The following GULP1 variants were observed in gnomAD, a reference collection of about 807,000 sequenced individuals.
GULP1 encodes GULP PTB domain containing engulfment adaptor 1.
GULP1 carries 19 observed loss-of-function variants against 40.9 expected under a neutral mutation model. That is an observed-to-expected ratio of 0.46 (90% CI 0.32 to 0.68). The LOEUF (loss-of-function observed/expected upper bound fraction) is 0.68, where lower values mean the gene tolerates loss of function less well. Among genes scored for constraint, GULP1 ranks in the 30% least tolerant of loss-of-function variants. GULP1 has a pLI of 0.03. For missense variants in GULP1, 312 were observed against 362.2 expected, an observed-to-expected ratio of 0.86 and a Z score of 1.12; for synonymous variants, 119 against 117.6, an observed-to-expected ratio of 1.01 and a Z score of -0.08.
intron 1 of GULP1, among the ~76,000 whole-genome samples, chr2:188,315,416 T>C (rs1038699340): frequency 6.6e-6 from 1 of 152,196 alleles, no homozygotes; most frequent in Non-Finnish European, 1.5e-5. Flanking sequence ...GGTCTTCAGA[T>C]GTATCCCCTG....
At chr2:188,375,577 T>C (rs1448299131) in intron 1 of GULP1, among the ~76,000 whole-genome samples, 1 of 152,226 alleles carries the variant, frequency 6.6e-6, no homozygotes, top group Non-Finnish European at 1.5e-5. Flanking sequence ...GAAGACTTGC[T>C]CTCTTTTCAT....
chr2:188,480,456 G>A (rs1186400576), intron 3 of GULP1, among the ~76,000 whole-genome samples: 9 of 147,558 alleles, frequency 6.1e-5, no homozygotes, highest in Non-Finnish European at 1.1e-4. Flanking sequence ...ACATAATTGT[G>A]TTTTTTTTTT....
rs1702383264 is a variant in GULP1 at position 188,586,422 on chromosome 2, T to C, written c.749-1433T>C. 3.9e-5 allele frequency among the ~76,000 whole-genome samples: 6 copies of C among 152,204 alleles called. No individual in the cohort carries two copies. In the South Asian group the frequency reaches 1.2e-3, roughly 31 times the overall value. Reference sequence around the variant, plus strand: ...ACTAGGTGAAAAACATTATTCAGTATGCTTATGGTGTAGTGGAAACCAGGA... The same window carrying C: ...ACTAGGTGAAAAACATTATTCAGTACGCTTATGGTGTAGTGGAAACCAGGA... On this transcript the variant is annotated intron_variant, in intron 10 of 11. Transcript: ENST00000409830.
At chr2:188,536,571 GC>G (rs1353200553) in intron 6 of GULP1, among the ~76,000 whole-genome samples, 3 of 152,000 alleles carry the variant, frequency 2.0e-5, no homozygotes, top group Non-Finnish European at 2.9e-5. Context: ...CCAGTACCAT[GC>G]TTTTTTGGTT....
intron 1 of GULP1, among the ~76,000 whole-genome samples, chr2:188,327,874 T>C (rs182115189): frequency 5.3e-5 from 8 of 152,232 alleles, no homozygotes; most frequent in Admixed American, 2.6e-4. Flanking sequence ...TTTATGGTGG[T>C]TCAAAATTAG....
intron 2 of GULP1, among the ~76,000 whole-genome samples, chr2:188,459,809 T>G (rs1025018817): frequency 3.3e-5 from 5 of 152,184 alleles, no homozygotes; most frequent in African/African-American, 4.8e-5. Flanking sequence ...CTATATTGAT[T>G]TGATGTTTGT....
chr2:188,324,989 A>G (rs892546021), intron 1 of GULP1, among the ~76,000 whole-genome samples: 1 of 151,980 alleles, frequency 6.6e-6, no homozygotes, highest in African/African-American at 2.4e-5. Context: ...GTCTCATTAT[A>G]GAATGAGTGC....
At chr2:188,580,445 T>A (rs62181295) in intron 9 of GULP1, among the ~76,000 whole-genome samples, 1 of 149,530 alleles carries the variant, frequency 6.7e-6, no homozygotes, top group South Asian at 2.1e-4. Context: ...CCCAGCTACT[T>A]GGGAGGCTGA....
intron 4 of GULP1, among the ~76,000 whole-genome samples, chr2:188,520,858 C>G (rs768482033): frequency 1.3e-5 from 2 of 152,218 alleles, no homozygotes. Context: ...AACCAACGCT[C>G]TAGGTAATTT....
intron 2 of GULP1, among the ~76,000 whole-genome samples, chr2:188,428,114 G>A (rs2056434701): frequency 6.6e-6 from 1 of 152,186 alleles, no homozygotes; most frequent in Non-Finnish European, 1.5e-5. Context: ...AGACTTGTGT[G>A]AGGCCTGTGT....
intron 1 of GULP1, among the ~76,000 whole-genome samples, chr2:188,297,939 T>C (rs910434290): frequency 1.3e-5 from 2 of 152,162 alleles, no homozygotes; most frequent in Non-Finnish European, 2.9e-5. Flanking sequence ...TAGCCATTTA[T>C]AACCATCAAG....
chr2:188,528,066 C>A (rs1319203678), intron 5 of GULP1, among the ~76,000 whole-genome samples: 1 of 152,048 alleles, frequency 6.6e-6, no homozygotes, highest in African/African-American at 2.4e-5. Context: ...TAATAGTTTT[C>A]TTTCCATTTC....
intron 1 of GULP1, among the ~76,000 whole-genome samples, chr2:188,335,841 T>C (rs2042185239): frequency 6.6e-6 from 1 of 152,200 alleles, no homozygotes; most frequent in South Asian, 2.1e-4. Context: ...ATGTAACACA[T>C]GCCTGGCATA....
intron 4 of GULP1, among the ~76,000 whole-genome samples, chr2:188,500,501 T>C (rs2063334624): frequency 2.0e-5 from 3 of 151,824 alleles, no homozygotes; most frequent in Non-Finnish European, 4.4e-5. Flanking sequence ...TTTAGGAGAG[T>C]AAAAAGAAAA....
chr2:188,381,981 CATT>C (rs1330419939), intron 1 of GULP1, among the ~76,000 whole-genome samples: 15 of 152,096 alleles, frequency 9.9e-5, no homozygotes, highest in Admixed American at 8.5e-4. Context: ...AGTAAGCAAA[CATT>C]ATTTTTCACT....
intron 1 of GULP1, among the ~76,000 whole-genome samples, chr2:188,337,153 T>A (rs895620356): frequency 6.6e-6 from 1 of 151,918 alleles, no homozygotes; most frequent in African/African-American, 2.4e-5. Context: ...TATATATTTT[T>A]TTCTTTCCAA....
chr2:188,488,963 T>A (rs898134847), intron 4 of GULP1, among the ~76,000 whole-genome samples: 2 of 151,988 alleles, frequency 1.3e-5, no homozygotes, highest in Non-Finnish European at 2.9e-5. Context: ...AGTTACAACA[T>A]TATTTGGCTT....
intron 2 of GULP1, among the ~76,000 whole-genome samples, chr2:188,465,192 A>G (rs1341205609): frequency 6.6e-6 from 1 of 151,984 alleles, no homozygotes; most frequent in African/African-American, 2.4e-5. Context: ...GCTTCTGGTT[A>G]TTATTCTGGT....
chr2:188,335,919 A>G (rs1018814729), intron 1 of GULP1, among the ~76,000 whole-genome samples: 9 of 152,218 alleles, frequency 5.9e-5, no homozygotes, highest in African/African-American at 1.9e-4. Flanking sequence ...TCTGATTTAG[A>G]TTATGTTACA....
Sources: allele counts gnomAD v4.1 joint callset (sites outside exome capture counted in the v4.1 genomes callset), GRCh38; gene constraint gnomAD v4.1.1; transcripts MANE v1.5; gene names NCBI Gene and HGNC (gene_info 2026-07-23, HGNC 2026-07-21).